PTPRO: variants seen among roughly 807,000 people sequenced by gnomAD.
PTPRO encodes protein tyrosine phosphatase receptor type O, also known as receptor-type tyrosine-protein phosphatase O.
A neutral mutation model predicts 145.2 loss-of-function variants in PTPRO; 62 were observed. The ratio of observed to expected loss-of-function variants is 0.43; its 90% CI spans 0.35 to 0.53. The LOEUF (loss-of-function observed/expected upper bound fraction) is 0.53, where lower values mean the gene tolerates loss of function less well. Among genes scored for constraint, PTPRO ranks in the 20% least tolerant of loss-of-function variants. PTPRO has a pLI of 0.01. For missense variants in PTPRO, 1,345 were observed against 1,482.7 expected (o/e 0.91, Z 1.53); for synonymous variants, 565 against 514.7 (o/e 1.10, Z -1.32).
intron 1 of PTPRO, among the ~76,000 whole-genome samples, chr12:15,471,519 G>A (rs1392645880): frequency 6.6e-6 from 1 of 152,176 alleles, no homozygotes; most frequent in Non-Finnish European, 1.5e-5. Context: ...AATTCAACAA[G>A]CATTTAAGAA....
intron 25 of PTPRO, among the ~76,000 whole-genome samples, 167 bp from the exon 26 acceptor site, chr12:15,594,770 T>G (rs1412011643): frequency 6.6e-6 from 1 of 152,194 alleles, no homozygotes; most frequent in East Asian, 1.9e-4. Flanking sequence ...ATCAAAATAC[T>G]TGTACAGTTG....
intron 14 of PTPRO, 46 bp from the exon 15 acceptor site, chr12:15,551,505 C>A (rs763039405): frequency 1.2e-6 from 2 of 1,606,380 alleles, no homozygotes; most frequent in African/African-American, 2.7e-5. Context: ...CTGTTTGGTT[C>A]CCTGTAAGAG....
chr12:15,534,573 C>T (rs1486339214), intron 12 of PTPRO, among the ~76,000 whole-genome samples: 1 of 152,062 alleles, frequency 6.6e-6, no homozygotes, highest in Non-Finnish European at 1.5e-5. Flanking sequence ...TGCAGAATGA[C>T]TGTGTGGTCA....
Position 15,470,175 on chromosome 12 carries a change from G to T in PTPRO, c.76-13799G>T, listed in dbSNP as rs142204547. On this transcript the variant is annotated intron_variant, in intron 1 of 26. Coordinates refer to ENST00000281171, the MANE Select transcript of PTPRO (RefSeq NM_030667.3). ...GGGAATTTGCCACCAATTAAGTACA[G>T]ATATGAAAGGTAGCATTTGGGAAAT... Among the ~76,000 whole-genome samples, 307 of 152,266 alleles carry T rather than the reference G, an allele frequency of 2.0e-3. 1 individual carries two copies. Among genetic ancestry groups the T allele is most frequent in the African/African-American group, 7.0e-3 (292 of 41,544 alleles).
intron 7 of PTPRO, among the ~76,000 whole-genome samples, chr12:15,513,814 A>G (rs915503194): frequency 2.0e-5 from 3 of 152,202 alleles, no homozygotes; most frequent in Admixed American, 6.5e-5. Context: ...AACATTCTCA[A>G]ACTCTATGAG....
intron 1 of PTPRO, among the ~76,000 whole-genome samples, chr12:15,324,887 G>A (rs565071140): frequency 3.3e-5 from 5 of 152,200 alleles, no homozygotes; most frequent in Admixed American, 2.0e-4. Flanking sequence ...TACATGGTGC[G>A]TTGGGCACAT....
rs563961782 is a variant in PTPRO at position 15,591,215 on chromosome 12, T to TA, written c.3546+1631dup. On this transcript the variant is annotated intron_variant, in intron 25 of 26. Coordinates refer to ENST00000281171, the MANE Select transcript of PTPRO (RefSeq NM_030667.3). ...GAAACCCCGTTTCTACTAAAAATATTAAAAAATTAGCCTGGCCTGGTGATG... is the reference window on the plus strand; with the variant it reads ...GAAACCCCGTTTCTACTAAAAATATTAAAAAAATTAGCCTGGCCTGGTGATG... Among the ~76,000 whole-genome samples the TA allele has an allele frequency of 1.3e-3, 202 of 151,630 alleles. 1 individual carries two copies. Among genetic ancestry groups the TA allele is most frequent in the African/African-American group, 4.1e-3 (171 of 41,340 alleles).
At chr12:15,372,840 A>G (rs1938569723) in intron 1 of PTPRO, among the ~76,000 whole-genome samples, 1 of 152,214 alleles carries the variant, frequency 6.6e-6, no homozygotes, top group Non-Finnish European at 1.5e-5. Context: ...GAGAATAAAT[A>G]GACTATCTTA....
At chr12:15,369,395 A>C (rs1938456281) in intron 1 of PTPRO, among the ~76,000 whole-genome samples, 1 of 152,154 alleles carries the variant, frequency 6.6e-6, no homozygotes, top group Non-Finnish European at 1.5e-5. Flanking sequence ...AAAGGTACAG[A>C]GCTCAGTCTG....
At chr12:15,590,008 A>G (rs1422230393) in intron 25 of PTPRO, among the ~76,000 whole-genome samples, 1 of 152,334 alleles carries the variant, frequency 6.6e-6, no homozygotes, top group East Asian at 1.9e-4. Flanking sequence ...CTCTATCCCA[A>G]TTCACTTTTG....
intron 1 of PTPRO, among the ~76,000 whole-genome samples, chr12:15,450,424 C>T (rs962541079): frequency 2.0e-5 from 3 of 152,142 alleles, no homozygotes; most frequent in Non-Finnish European, 4.4e-5. Context: ...AGAAAGCTGT[C>T]GTTTTACCAA....
chr12:15,508,644 C>A lies in PTPRO; in HGVS notation c.1341C>A (p.Thr447=), dbSNP rs1344015038. The A allele has an allele frequency of 6.2e-7, 1 of 1,614,078 alleles. No homozygotes were observed. The highest frequency in any genetic ancestry group is 1.3e-5 in the African/African-American group (1 of 75,034). ...QHVSVHVLSS[T]TALMSWTSSQ... ...TGAGTGTCCACGTTTTAAGCTCAACCACTGCCTTGATGTCCTGGACATCTT... is the reference window on the plus strand; with the variant it reads ...TGAGTGTCCACGTTTTAAGCTCAACAACTGCCTTGATGTCCTGGACATCTT... The change falls in exon 7 of 27, where the codon ACC becomes ACA. Residue 447 remains threonine (T), a synonymous_variant. Transcript: ENST00000281171.
intron 1 of PTPRO, among the ~76,000 whole-genome samples, chr12:15,474,285 GA>G (rs1479137495): frequency 3.3e-5 from 5 of 152,198 alleles, no homozygotes; most frequent in African/African-American, 1.2e-4. Context: ...CGCAGCCCAG[GA>G]ACTCGTCCTG....
intron 25 of PTPRO, among the ~76,000 whole-genome samples, chr12:15,594,089 G>A (rs1029237011): frequency 1.3e-5 from 2 of 151,994 alleles, no homozygotes; most frequent in African/African-American, 4.8e-5. Context: ...AAAAATAAAG[G>A]CATCAATATT....
chr12:15,487,208 T>C (rs562971694), intron 2 of PTPRO, among the ~76,000 whole-genome samples: 4 of 152,162 alleles, frequency 2.6e-5, no homozygotes, highest in Non-Finnish European at 4.4e-5. Flanking sequence ...TGATGTTAGA[T>C]GGGACATTCT....
At position 15,524,923 on chromosome 12, in the gene PTPRO, C is replaced by T. The variant is rs756880818; in HGVS notation, c.2001C>T (p.His667=). The T allele has an allele frequency of 8.1e-6, 13 of 1,614,002 alleles. No homozygotes were observed. Among genetic ancestry groups the T allele is most frequent in the Middle Eastern group, 1.7e-4 (1 of 6,060 alleles). Residue 667 remains histidine, a synonymous_variant, in exon 11 of 27, where the codon CAC becomes CAT. Transcript: ENST00000281171. Reference sequence around the variant, plus strand: ...ACTTGTCCCATTCTAGAATGCTTCACTGGATGGTGGTTGCAGAAGGAAAAA... The same window carrying T: ...ACTTGTCCCATTCTAGAATGCTTCATTGGATGGTGGTTGCAGAAGGAAAAA... ...TTDLSHSRML[H]WMVVAEGKKK...
intron 1 of PTPRO, among the ~76,000 whole-genome samples, chr12:15,459,500 G>A (rs1854916459): frequency 6.6e-6 from 1 of 152,188 alleles, no homozygotes. Context: ...CTGAGGGTGG[G>A]GATTATGGTT....
intron 1 of PTPRO, among the ~76,000 whole-genome samples, chr12:15,417,320 A>G (rs878909707): frequency 2.0e-5 from 3 of 151,876 alleles, no homozygotes; most frequent in Admixed American, 2.0e-4. Context: ...AACCGTCTGT[A>G]TAAGGTATCA....
chr12:15,582,101 G>A (rs1944333413), intron 23 of PTPRO, among the ~76,000 whole-genome samples: 1 of 152,246 alleles, frequency 6.6e-6, no homozygotes, highest in African/African-American at 2.4e-5. Flanking sequence ...GTTATCTGCA[G>A]CATGAACGTG....
Sources: gnomAD v4.1 joint callset for allele counts (sites outside exome capture counted in the v4.1 genomes callset) on GRCh38, gnomAD v4.1.1 for gene constraint, MANE v1.5 for transcripts, NCBI Gene and HGNC (gene_info 2026-07-23, HGNC 2026-07-21) for gene names.